The following SCARB1 variants were observed in gnomAD, a reference collection of about 807,000 sequenced individuals.
The protein encoded by SCARB1 is scavenger receptor class B member 1.
SCARB1 carries 30 observed loss-of-function variants against 57.2 expected under a neutral mutation model. The observed-to-expected ratio is 0.52, with a 90% CI of 0.39 to 0.71. The LOEUF (loss-of-function observed/expected upper bound fraction) is 0.71. Among genes scored for constraint, SCARB1 ranks in the 30% least tolerant of loss-of-function variants. The pLI is 0.00. For synonymous variants in SCARB1, 249 were observed against 268.3 expected, an observed-to-expected ratio of 0.93 and a Z score of 0.70; for missense variants, 543 against 671.2, an observed-to-expected ratio of 0.81 and a Z score of 2.11.
At chr12:124,785,974 C>A (rs1210035495) in intron 11 of SCARB1, 5 of 1,250,312 alleles carry the variant, frequency 4.0e-6, no homozygotes, top group Non-Finnish European at 5.4e-6. Flanking sequence ...CCCCCTCAAT[C>A]CCCCTGAGCA....
At chr12:124,836,483 G>T (rs1951653212) in intron 1 of SCARB1, among the ~76,000 whole-genome samples, 1 of 152,172 alleles carries the variant, frequency 6.6e-6, no homozygotes, top group Admixed American at 6.5e-5. Flanking sequence ...TTAAAGCAAT[G>T]CTTTCATTTA....
chr12:124,808,005 T>C (rs1594256057), intron 6 of SCARB1, 78 bp from the exon 7 acceptor site: 2 of 1,418,252 alleles, frequency 1.4e-6, no homozygotes, highest in Non-Finnish European at 9.9e-7. Flanking sequence ...GCTGCCCAGA[T>C]CCAGCCACTT....
rs12824656 is a variant in SCARB1 at position 124,839,966 on chromosome 12, C to T, written c.127-22259G>A. 8.9e-4 allele frequency: 137 copies of T among 154,236 alleles called. 4 individuals carry two copies. The highest frequency in any genetic ancestry group is 1.4e-3 in the African/African-American group (12 of 8,648). 9.6% of individuals were successfully genotyped at this position (154,236 alleles called of 1,614,324 possible). ...ACACATGGGCCCCGATTTCTCCGCA[C>T]CCTCACCCCAACGGCACACATGGGC... On this transcript the variant is annotated intron_variant, in intron 1 of 12. Coordinates refer to ENST00000261693, the MANE Select transcript of SCARB1 (RefSeq NM_005505.5).
intron 12 of SCARB1, among the ~76,000 whole-genome samples, chr12:124,781,076 A>C (rs570237609): frequency 3.7e-4 from 56 of 152,234 alleles, no homozygotes; most frequent in Non-Finnish European, 6.9e-4. Context: ...ATCCTCTCCT[A>C]ATATTAACAC....
chr12:124,813,436 A>G (rs1594272960), intron 4 of SCARB1, among the ~76,000 whole-genome samples: 1 of 152,200 alleles, frequency 6.6e-6, no homozygotes, highest in African/African-American at 2.4e-5. Flanking sequence ...ATCACTTAAG[A>G]CCATGAAGCC....
intron 1 of SCARB1, among the ~76,000 whole-genome samples, chr12:124,820,415 G>A (rs1275177278): frequency 6.6e-6 from 1 of 152,084 alleles, no homozygotes; most frequent in East Asian, 1.9e-4. Context: ...TATGTGAGCT[G>A]GATCAAAGAG....
intron 9 of SCARB1, among the ~76,000 whole-genome samples, chr12:124,791,682 C>T (rs118024922): frequency 0.029 from 4,470 of 152,212 alleles, 88 homozygotes; most frequent in Middle Eastern, 0.058. Context: ...AGAGACCGGG[C>T]GCAGTGGCTC....
intron 12 of SCARB1, among the ~76,000 whole-genome samples, chr12:124,779,273 G>T (rs1872938205): frequency 6.6e-6 from 1 of 152,224 alleles, no homozygotes; most frequent in South Asian, 2.1e-4. Flanking sequence ...CATGTCACAG[G>T]ACGGTATTCA....
chr12:124,802,892 A>T (rs1157253149), intron 7 of SCARB1, among the ~76,000 whole-genome samples: 1 of 152,196 alleles, frequency 6.6e-6, no homozygotes, highest in African/African-American at 2.4e-5. Flanking sequence ...TTTAGATAAC[A>T]TGCCACAGAA....
At position 124,789,167 on chromosome 12, in the gene SCARB1, C is replaced by T. The variant is rs534320545; in HGVS notation, c.1203-1710G>A. Among the ~76,000 whole-genome samples the T allele has an allele frequency of 6.6e-6, 1 of 152,262 alleles. No homozygotes were observed. The highest frequency in any genetic ancestry group is 2.1e-4 in the South Asian group (1 of 4,820). On this transcript the variant is annotated intron_variant, in intron 9 of 12. Coordinates refer to ENST00000261693, the MANE Select transcript of SCARB1 (RefSeq NM_005505.5). This position sits in a 1 kb window ranked among gnomAD's most constrained non-coding sequence, Gnocchi z 4.4. ...ATGACCTCATCCAGGCTATCAAGGT[C>T]GACATCAACAGTGATACAGTATGTT...
intron 5 of SCARB1, among the ~76,000 whole-genome samples, chr12:124,811,087 T>C (rs1225725824): frequency 2.6e-5 from 4 of 152,312 alleles, no homozygotes; most frequent in African/African-American, 7.2e-5. Flanking sequence ...TATGATTTCA[T>C]GATGTTCAAA....
At chr12:124,862,807 A>G (rs935360572) in intron 1 of SCARB1, among the ~76,000 whole-genome samples, 9 of 152,212 alleles carry the variant, frequency 5.9e-5, no homozygotes, top group Non-Finnish European at 1.2e-4. Context: ...CCCAGGGCAG[A>G]GTCTGTCCGT....
At chr12:124,795,990 T>C (rs1390248059) in intron 8 of SCARB1, among the ~76,000 whole-genome samples, 1 of 152,254 alleles carries the variant, frequency 6.6e-6, no homozygotes, top group Admixed American at 6.5e-5. Context: ...TTATTTCTTT[T>C]TGAGACAGAG....
In SCARB1 at chr12:124,800,035, A is replaced by G. The variant is rs961332281; in HGVS notation, c.1128+89T>C. 10 of 1,007,714 alleles carry G rather than the reference A, an allele frequency of 9.9e-6. No individual in the cohort carries two copies. Among genetic ancestry groups the G allele is most frequent in the Non-Finnish European group, 1.1e-5 (7 of 630,464 alleles). The allele number at this position is 1,007,714 out of a possible 1,614,324, so 62.4% of individuals were successfully genotyped here. A position where few individuals can be genotyped will look rare whatever the true frequency, so the allele number is the denominator to read the frequency against. On this transcript the variant is annotated intron_variant, in intron 8 of 12. Transcript: ENST00000261693. This position sits in a 1 kb window ranked among gnomAD's most constrained non-coding sequence, Gnocchi z 4.8. ...CAGGCTTCCCACCACCCCAGCCCAC[A>G]GCAGCTCTCTGCCTGGGGAGAGAGG...
Position 124,791,817 on chromosome 12 carries a change from G to A in SCARB1, c.1202+3378C>T, listed in dbSNP as rs151292102. 6.1e-3 allele frequency among the ~76,000 whole-genome samples: 929 copies of A among 152,218 alleles called. 19 individuals are homozygous for A. Among genetic ancestry groups the A allele is most frequent in the African/African-American group, 0.021 (890 of 41,476 alleles). ...CTAAAAATACAAAAATTTGCTGGGCGTGGTGGCGGGCACCTGTAATCCCAG... is the reference window on the plus strand; with the variant it reads ...CTAAAAATACAAAAATTTGCTGGGCATGGTGGCGGGCACCTGTAATCCCAG... On this transcript the variant is annotated intron_variant, in intron 9 of 12. Coordinates refer to ENST00000261693, the MANE Select transcript of SCARB1 (RefSeq NM_005505.5).
intron 8 of SCARB1, among the ~76,000 whole-genome samples, chr12:124,797,442 C>T (rs867737071): frequency 5.9e-5 from 9 of 152,208 alleles, no homozygotes; most frequent in Non-Finnish European, 1.0e-4. Flanking sequence ...ATCTCCTGAT[C>T]CCCCTCCCCA....
chr12:124,829,951 G>A (rs1423423477), intron 1 of SCARB1, among the ~76,000 whole-genome samples: 1 of 152,182 alleles, frequency 6.6e-6, no homozygotes, highest in African/African-American at 2.4e-5. Context: ...CCTTCCTGCT[G>A]CCCGGAATTC....
intron 8 of SCARB1, 70 bp from the exon 9 acceptor site, chr12:124,795,338 C>T: frequency 4.6e-6 from 6 of 1,298,676 alleles, no homozygotes; most frequent in Non-Finnish European, 6.7e-6. Flanking sequence ...CCCTCCTCTC[C>T]CTGGTCCCAG....
At chr12:124,785,999 C>T (rs1949497381) in intron 11 of SCARB1, 4 of 1,404,380 alleles carry the variant, frequency 2.8e-6, no homozygotes, top group Non-Finnish European at 3.8e-6. Flanking sequence ...TCTCAGCTGT[C>T]TCCTCTACTG....
Sources: allele counts gnomAD v4.1 joint callset (sites outside exome capture counted in the v4.1 genomes callset), GRCh38; gene constraint gnomAD v4.1.1; non-coding constraint Gnocchi (gnomAD v3.1); transcripts MANE v1.5; gene names NCBI Gene and HGNC (gene_info 2026-07-23, HGNC 2026-07-21).